Variants in ZBTB47 observed in about 807,000 individuals in gnomAD.
ZBTB47 encodes the protein zinc finger and BTB domain containing 47, also known as zinc finger and BTB domain-containing protein 47.
In ZBTB47, 24 loss-of-function variants were observed where a neutral mutation model predicts 56.6. The observed-to-expected ratio is 0.42, with a 90% CI of 0.31 to 0.60. The LOEUF (loss-of-function observed/expected upper bound fraction) is 0.60, where lower values mean the gene tolerates loss of function less well. ZBTB47 is among the 20% of genes least tolerant of loss of function. The pLI is 0.14. For synonymous variants in ZBTB47, 414 were observed against 418.9 expected (o/e 0.99, Z 0.14); for missense variants, 829 against 1,032.6 (o/e 0.80, Z 2.70).
chr3:42,662,252 G>T (rs1016573100), intron 3 of ZBTB47, among the ~76,000 whole-genome samples: 10 of 152,204 alleles, frequency 6.6e-5, no homozygotes, highest in Admixed American at 2.0e-4. Flanking sequence ...TGGGCCTTGA[G>T]GGGGAGGGGT....
intron 2 of ZBTB47, among the ~76,000 whole-genome samples, chr3:42,660,791 C>T (rs1206720647): frequency 6.6e-6 from 1 of 152,222 alleles, no homozygotes; most frequent in Non-Finnish European, 1.5e-5. Context: ...ACCTGAGTCT[C>T]CCTCCTGAAG....
chr3:42,654,511 T>G lies in ZBTB47; in HGVS notation c.-82+628T>G. ...CCCGAGGCTCTGGGGCCGCAGCTGC[T>G]TGGCGCTGGACTCGCCGCGGCCCTG... On this transcript the variant is annotated intron_variant, in intron 1 of 5. Coordinates refer to ENST00000232974, the MANE Select transcript of ZBTB47 (RefSeq NM_145166.4). This position sits in a 1 kb window ranked among gnomAD's most constrained non-coding sequence, Gnocchi z 5.0. 5.7e-6 allele frequency: 1 copy of G among 176,888 alleles called. No individual in the cohort carries two copies. Among genetic ancestry groups the G allele is most frequent in the Non-Finnish European group, 1.1e-5 (1 of 92,404 alleles). The allele number at this position is 176,888 out of a possible 1,614,324, so 11.0% of individuals were successfully genotyped here. A position where few individuals can be genotyped will look rare whatever the true frequency, so the allele number is the denominator to read the frequency against.
chr3:42,662,615 T>A (rs558287210), intron 3 of ZBTB47, among the ~76,000 whole-genome samples: 2 of 151,928 alleles, frequency 1.3e-5, no homozygotes, highest in Non-Finnish European at 2.9e-5. Context: ...CCACTATGAG[T>A]CCCTTTTTAT....
At position 42,665,303 on chromosome 3, in the gene ZBTB47, C is replaced by T. The variant is rs929944049; in HGVS notation, c.*705C>T. The T allele has an allele frequency of 1.3e-5, 2 of 152,750 alleles. No homozygotes were observed. Among genetic ancestry groups the T allele is most frequent in the African/African-American group, 4.8e-5 (2 of 41,408 alleles). 9.5% of individuals were successfully genotyped at this position (152,750 alleles called of 1,614,324 possible). A position where few individuals can be genotyped will look rare whatever the true frequency, so the allele number is the denominator to read the frequency against. On this transcript the variant is annotated 3_prime_UTR_variant, in exon 6 of 6. Transcript: ENST00000232974. The stretch of plus-strand genomic sequence containing the variant: ...CCCACCCACTCTGCTGCCAGCAGGC[C>T]CAGGGATCCCTGACCTGCACCAGGT...
intron 1 of ZBTB47, among the ~76,000 whole-genome samples, chr3:42,657,414 G>A (rs1465730089): frequency 6.6e-6 from 1 of 152,184 alleles, no homozygotes; most frequent in East Asian, 1.9e-4. Context: ...CTGCAAGCAT[G>A]GTAGGCAGGT....
rs868800730 is a variant in ZBTB47 at position 42,666,645 on chromosome 3, C to A, written c.*2047C>A. Among the ~76,000 whole-genome samples the A allele has an allele frequency of 6.6e-6, 1 of 152,208 alleles. No individual in the cohort carries two copies. The highest frequency in any genetic ancestry group is 6.5e-5 in the Admixed American group (1 of 15,286). ...CCCACAGGCACTGGTGGTGTCATCA[C>A]CTGCTGGCCCCACTACAGCCTGAGT... On this transcript the variant is annotated 3_prime_UTR_variant, in exon 6 of 6. Coordinates refer to ENST00000232974, the MANE Select transcript of ZBTB47 (RefSeq NM_145166.4).
intron 2 of ZBTB47, 54 bp from the exon 3 acceptor site, chr3:42,661,431 G>T (rs759200626): frequency 1.8e-4 from 285 of 1,590,886 alleles, no homozygotes; most frequent in Non-Finnish European, 3.3e-5. Flanking sequence ...GCTTGCCCAA[G>T]TCCAAGACCC....
In ZBTB47 at chr3:42,659,676, T is replaced by C. The variant is rs750470080; in HGVS notation, c.1321T>C (p.Cys441Arg). 6.2e-7 allele frequency: 1 copy of C among 1,612,762 alleles called. No individual in the cohort carries two copies. ...EEKQHHPCQK[C>R]PRVFNNRWYL... ...GAAGCAGCACCATCCATGCCAGAAGTGCCCACGAGTTTTCAACAACCGCTG... is the reference window on the plus strand; with the variant it reads ...GAAGCAGCACCATCCATGCCAGAAGCGCCCACGAGTTTTCAACAACCGCTG... Residue 441 changes from cysteine to arginine, a missense_variant, in exon 2 of 6, where the codon TGC (cysteine) becomes CGC (arginine). By Grantham distance (180) the Cys-to-Arg change is radical (BLOSUM62 -3). Coordinates refer to ENST00000232974, the MANE Select transcript of ZBTB47 (RefSeq NM_145166.4).
Position 42,659,526 on chromosome 3 carries a change from C to A in ZBTB47, c.1171C>A (p.Pro391Thr). 1 of 1,561,568 alleles carries A rather than the reference C, an allele frequency of 6.4e-7. No individual in the cohort carries two copies. Among genetic ancestry groups the A allele is most frequent in the Non-Finnish European group, 8.7e-7 (1 of 1,155,388 alleles). Residue 391 changes from proline (P) to threonine (T), a missense_variant, in exon 2 of 6, where the codon CCT becomes ACT. Transcript: ENST00000232974. ...GGAGAACGCCCGGCGCCGGGGTACC[C>A]CTGAACCTGAAGAAGCTGGGCGGCG... ...SRENARRRGT[P>T]EPEEAGRRGG...
At position 42,659,312 on chromosome 3, in the gene ZBTB47, G is replaced by C; in HGVS notation, c.957G>C (p.Glu319Asp). Residue 319 changes from glutamate to aspartate, a missense_variant, in exon 2 of 6, where the codon GAG becomes GAC. Transcript: ENST00000232974. ...GSQGEEEEEE[E>D]DGHSEQEEEE... ...AGGGAGAAGAGGAAGAAGAGGAGGA[G>C]GACGGGCACAGTGAGCAGGAAGAGG... The C allele has an allele frequency of 6.8e-7, 1 of 1,469,848 alleles. No individual in the cohort carries two copies. 91.1% of individuals were successfully genotyped at this position (1,469,848 alleles called of 1,614,324 possible). A position where few individuals can be genotyped will look rare whatever the true frequency, so the allele number is the denominator to read the frequency against.
In ZBTB47 at chr3:42,663,092, C is replaced by A. The variant is rs1261347190; in HGVS notation, c.1702C>A (p.Leu568Met). The change falls in exon 4 of 6, where the codon CTG becomes ATG. Residue 568 changes from leucine to methionine, a missense_variant. Around this residue, in one of 6 missense-constraint regions of ZBTB47, gnomAD observed 187 missense variants for 253.1 expected, o/e 0.74. Transcript: ENST00000232974. The surrounding 1 kb of genome is among the most constrained non-coding windows in gnomAD (Gnocchi z 5.1). ...CAGCATGTCCCTCAAGGTGCACTCA[C>A]TGCAGCACTCAGGGGAGAAGCCGTT... The part of the protein sequence containing the change: ...KRSMSLKVHS[L>M]QHSGEKPFRC... 1 of 1,613,804 alleles carries A rather than the reference C, an allele frequency of 6.2e-7. No homozygotes were observed. The highest frequency in any genetic ancestry group is 8.5e-7 in the Non-Finnish European group (1 of 1,179,790).
rs1710597715 is a variant in ZBTB47 at position 42,653,735 on chromosome 3, G to T, written c.-230G>T. On this transcript the variant is annotated 5_prime_UTR_variant, in exon 1 of 6. Coordinates refer to ENST00000232974, the MANE Select transcript of ZBTB47 (RefSeq NM_145166.4). ...CAGGTCACACGGCTAGAGGGGCACA[G>T]TGGGGCCTGGGCCTCTGGTCCCTAC... 1 of 152,556 alleles carries T rather than the reference G, an allele frequency of 6.6e-6. No individual in the cohort carries two copies. Among genetic ancestry groups the T allele is most frequent in the Non-Finnish European group, 1.5e-5 (1 of 68,302 alleles). 9.5% of individuals were successfully genotyped at this position (152,556 alleles called of 1,614,324 possible). A position where few individuals can be genotyped will look rare whatever the true frequency, so the allele number is the denominator to read the frequency against.
rs764957264 is a variant in ZBTB47, at chr3:42,664,424, C to T, written c.2070C>T (p.Ala690=). The change falls in exon 6 of 6, where the codon GCC becomes GCT. Residue 690 remains alanine (A), a synonymous_variant. Coordinates refer to ENST00000232974, the MANE Select transcript of ZBTB47 (RefSeq NM_145166.4). ...EKCFRVSHTL[A]GDGVPAAPGL... ...GCTTCCGCGTCAGCCACACCCTGGC[C>T]GGCGACGGCGTCCCCGCTGCCCCAG... 6.5e-6 allele frequency: 10 copies of T among 1,549,350 alleles called. No homozygotes were observed. In the Admixed American group the frequency reaches 1.4e-4, roughly 21 times the overall value.
At chr3:42,653,168 G>T (rs747143788), upstream of ZBTB47, among the ~76,000 whole-genome samples, 9 of 152,164 alleles carry the variant, frequency 5.9e-5, no homozygotes, top group Non-Finnish European at 1.2e-4. Flanking sequence ...GAGTGGGGGT[G>T]GGGGAGGAGG....
rs1358912619 is a variant in ZBTB47 at position 42,663,986 on chromosome 3, C to A, written c.1882+45C>A. ...CGGAGCTCGGTGCCGGGCCTGGGAC[C>A]CCTTCTCAGCCCCGCTCAGGACACC... On this transcript the variant is annotated intron_variant, in intron 5 of 5. Transcript: ENST00000232974. This position sits in a 1 kb window ranked among gnomAD's most constrained non-coding sequence, Gnocchi z 5.1. The A allele has an allele frequency of 6.4e-7, 1 of 1,573,840 alleles. No individual in the cohort carries two copies. The highest frequency in any genetic ancestry group is 8.6e-7 in the Non-Finnish European group (1 of 1,157,282).
Position 42,664,352 on chromosome 3 carries a change from C to T in ZBTB47, c.1998C>T (p.Gly666=), listed in dbSNP as rs375925692. Reference sequence around the variant, plus strand: ...AGCCGTACCCGTGCGACGTGTGTGGCCAGCGCTTCCGCTTCTCCAACATGC... The same window carrying T: ...AGCCGTACCCGTGCGACGTGTGTGGTCAGCGCTTCCGCTTCTCCAACATGC... ...GEKPYPCDVC[G]QRFRFSNMLK... is the part of the protein sequence containing the mutation. Residue 666 remains glycine (G), a synonymous_variant, in exon 6 of 6, where the codon GGC becomes GGT. Transcript: ENST00000232974. 281 of 1,612,022 alleles carry T rather than the reference C, an allele frequency of 1.7e-4. No individual in the cohort carries two copies. The highest frequency in any genetic ancestry group is 2.2e-4 in the Non-Finnish European group (263 of 1,179,302).
rs370755273 is a variant in ZBTB47 at position 42,661,577 on chromosome 3, C to T, written c.1566C>T (p.Cys522=). The change falls in exon 3 of 6, where the codon TGC becomes TGT. Residue 522 remains cysteine (C), a synonymous_variant. Coordinates refer to ENST00000232974, the MANE Select transcript of ZBTB47 (RefSeq NM_145166.4). ...GCTACGCAGAGAAGAAGTTCTCATG[C>T]GAGATCTGTGAGAAGAAGTTCTACA... ...VHGYAEKKFS[C]EICEKKFYTM... 22 of 1,613,850 alleles carry T rather than the reference C, an allele frequency of 1.4e-5. 1 individual carries two copies. Among genetic ancestry groups the T allele is most frequent in the East Asian group, 8.9e-5 (4 of 44,876 alleles).
In ZBTB47 at chr3:42,659,346, G is replaced by A; in HGVS notation, c.991G>A (p.Glu331Lys). The change falls in exon 2 of 6, where the codon GAG becomes AAG. Residue 331 changes from glutamate to lysine, a missense_variant. Around this residue, in one of 6 missense-constraint regions of ZBTB47, gnomAD observed 359 missense variants for 359.8 expected, o/e 1.00. Coordinates refer to ENST00000232974, the MANE Select transcript of ZBTB47 (RefSeq NM_145166.4). ...GHSEQEEEEE[E>K]EEEEGPSEQD... ...CAGTGAGCAGGAAGAGGAAGAGGAG[G>A]AGGAAGAGGAGGAAGGGCCTAGTGA... 1 of 1,450,502 alleles carries A rather than the reference G, an allele frequency of 6.9e-7. No homozygotes were observed. The highest frequency in any genetic ancestry group is 2.2e-4 in the Middle Eastern group (1 of 4,482). 89.9% of individuals were successfully genotyped at this position (1,450,502 alleles called of 1,614,324 possible).
chr3:42,659,677 G>A lies in ZBTB47; in HGVS notation c.1322G>A (p.Cys441Tyr). Residue 441 changes from cysteine (C) to tyrosine (Y), a missense_variant, in exon 2 of 6, where the codon TGC (cysteine) becomes TAC (tyrosine). This residue lies in a region of ZBTB47 where 187 missense variants were observed against 253.1 expected (regional missense o/e 0.74). Transcript: ENST00000232974. ...EEKQHHPCQK[C>Y]PRVFNNRWYL... ...AAGCAGCACCATCCATGCCAGAAGT[G>A]CCCACGAGTTTTCAACAACCGCTGG... 1 of 1,612,860 alleles carries A rather than the reference G, an allele frequency of 6.2e-7. No homozygotes were observed. Among genetic ancestry groups the A allele is most frequent in the Non-Finnish European group, 8.5e-7 (1 of 1,179,456 alleles).
Sources: gnomAD v4.1 joint callset for allele counts (sites outside exome capture counted in the v4.1 genomes callset) on GRCh38, gnomAD v4.1.1 for gene constraint, gnomAD v4.1.1 regional missense constraint, Gnocchi (gnomAD v3.1) non-coding constraint, MANE v1.5 for transcripts, NCBI Gene and HGNC (gene_info 2026-07-23, HGNC 2026-07-21) for gene names.